The following MYO18B variants were observed in gnomAD, a reference collection of about 807,000 sequenced individuals.
MYO18B encodes myosin XVIIIB.
A neutral mutation model predicts 273.0 loss-of-function variants in MYO18B; 204 were observed. The observed-to-expected ratio is 0.75, with a 90% CI of 0.67 to 0.84. The LOEUF (loss-of-function observed/expected upper bound fraction) is 0.84, where lower values mean the gene tolerates loss of function less well. MYO18B is among the 40% of genes least tolerant of loss of function. MYO18B has a pLI of 0.00. For missense variants in MYO18B, 3,212 were observed against 3,287.6 expected, an observed-to-expected ratio of 0.98 and a Z score of 0.56; for synonymous variants, 1,330 against 1,305.7, an observed-to-expected ratio of 1.02 and a Z score of -0.40.
At chr22:26,034,227 G>A (rs1209194157), downstream of MYO18B, among the ~76,000 whole-genome samples, 1 of 152,148 alleles carries the variant, frequency 6.6e-6, no homozygotes, top group African/African-American at 2.4e-5. Context: ...ATGTCACATA[G>A]GCAGTGTGCT....
chr22:25,814,337 T>TTTTTTTTC (rs2088908429), intron 12 of MYO18B, among the ~76,000 whole-genome samples: 1 of 98,928 alleles, frequency 1.0e-5, no homozygotes, highest in Non-Finnish European at 2.0e-5. Flanking sequence ...TTTTTTTTTT[T>TTTTTTTTC]GAGACAGAGT....
intron 16 of MYO18B, among the ~76,000 whole-genome samples, chr22:25,833,550 C>T (rs2089790601): frequency 1.3e-5 from 2 of 152,206 alleles, no homozygotes. Flanking sequence ...CTGCTCGACT[C>T]AGAACTGCCC....
In MYO18B at chr22:26,030,753, G is replaced by A. The variant is rs540447558; in HGVS notation, c.*323G>A. The A allele has an allele frequency of 7.6e-6, 3 of 393,962 alleles. No individual in the cohort carries two copies. The Admixed American group carries it at 1.3e-4, about 17-fold the overall frequency. 24.4% of individuals were successfully genotyped at this position (393,962 alleles called of 1,614,324 possible). A position where few individuals can be genotyped will look rare whatever the true frequency, so the allele number is the denominator to read the frequency against. ...CCAACCCAAACTGTGTGTAGTTTGG[G>A]GTGTATACTTCTATTTCTCTTCCTA... On this transcript the variant is annotated 3_prime_UTR_variant, in exon 44 of 44. Coordinates refer to ENST00000335473, the MANE Select transcript of MYO18B (RefSeq NM_032608.7).
intron 14 of MYO18B, among the ~76,000 whole-genome samples, chr22:25,828,091 C>CTAA (rs1228195188): frequency 6.6e-6 from 1 of 152,214 alleles, no homozygotes; most frequent in Non-Finnish European, 1.5e-5. Flanking sequence ...TTACTGAGCA[C>CTAA]TAACCACATG....
At chr22:25,839,878 T>A (rs937072091) in intron 17 of MYO18B, among the ~76,000 whole-genome samples, 2 of 152,202 alleles carry the variant, frequency 1.3e-5, no homozygotes, top group Non-Finnish European at 2.9e-5. Context: ...GAAAGTCCCC[T>A]CCTGGTTCTG....
In MYO18B at chr22:25,943,153, T is replaced by C. The variant is rs551632005; in HGVS notation, c.5518-2984T>C. On this transcript the variant is annotated intron_variant, in intron 34 of 43. Coordinates refer to ENST00000335473, the MANE Select transcript of MYO18B (RefSeq NM_032608.7). Reference sequence around the variant, plus strand: ...TGGCTCCCAGCCCAGCTCCTTGGCCTGGCAGAGGGGCCCTGCGTGAGGCCT... The same window carrying C: ...TGGCTCCCAGCCCAGCTCCTTGGCCCGGCAGAGGGGCCCTGCGTGAGGCCT... Among the ~76,000 whole-genome samples the C allele has an allele frequency of 5.9e-5, 9 of 152,290 alleles. 1 individual carries two copies. In the East Asian group the frequency reaches 1.7e-3, roughly 29 times the overall value.
chr22:25,993,202 C>T (rs1932897056), intron 40 of MYO18B, among the ~76,000 whole-genome samples: 1 of 152,108 alleles, frequency 6.6e-6, no homozygotes, highest in Non-Finnish European at 1.5e-5. Flanking sequence ...TGAGGTATCC[C>T]AGCTGGGCAC....
chr22:26,051,875 A>C, the MYO18B span, among the ~76,000 whole-genome samples: 1 of 152,378 alleles, frequency 6.6e-6, no homozygotes, highest in Non-Finnish European at 1.5e-5. Context: ...TACTTTTTGC[A>C]CTTAAAAACA....
Position 25,946,340 on chromosome 22 carries a change from G to C in MYO18B, c.5631+90G>C, listed in dbSNP as rs1055563062. ...GCCTAGTGTGCGCTCAGCACTATAGGAAGTATGAGGACATTTATTGTAAAC... is the reference window on the plus strand; with the variant it reads ...GCCTAGTGTGCGCTCAGCACTATAGCAAGTATGAGGACATTTATTGTAAAC... On this transcript the variant is annotated intron_variant, in intron 35 of 43. Transcript: ENST00000335473. 1.1e-4 allele frequency: 89 copies of C among 803,606 alleles called. 1 individual carries two copies. Among genetic ancestry groups the C allele is most frequent in the Admixed American group, 1.9e-4 (7 of 37,582 alleles). The allele number at this position is 803,606 out of a possible 1,614,324, so 49.8% of individuals were successfully genotyped here.
intron 34 of MYO18B, among the ~76,000 whole-genome samples, chr22:25,924,541 G>T (rs1042249278): frequency 2.0e-5 from 3 of 152,138 alleles, no homozygotes; most frequent in African/African-American, 7.2e-5. Context: ...AAATAAATAG[G>T]GTGCTAAGAT....
At chr22:25,787,708 G>A (rs1193831257) in intron 11 of MYO18B, among the ~76,000 whole-genome samples, 13 of 152,114 alleles carry the variant, frequency 8.5e-5, no homozygotes, top group Admixed American at 4.6e-4. Flanking sequence ...CAGATGCAAC[G>A]AGGCTGGCAT....
chr22:25,804,785 C>G (rs181568533), intron 12 of MYO18B, among the ~76,000 whole-genome samples: 1 of 152,212 alleles, frequency 6.6e-6, no homozygotes, highest in Non-Finnish European at 1.5e-5. Flanking sequence ...GTCCCGGCAG[C>G]GAGAAGGCTC....
intron 1 of MYO18B, among the ~76,000 whole-genome samples, chr22:25,747,838 T>C (rs915080128): frequency 9.2e-5 from 14 of 152,278 alleles, no homozygotes; most frequent in Non-Finnish European, 1.6e-4. Flanking sequence ...CATCTAGTAC[T>C]CAAACCGCTC....
At chr22:25,934,162 T>A (rs2092547433) in intron 34 of MYO18B, among the ~76,000 whole-genome samples, 2 of 152,248 alleles carry the variant, frequency 1.3e-5, no homozygotes, top group African/African-American at 4.8e-5. Context: ...TTGGGTTGTT[T>A]GTATTTTTCT....
At chr22:25,899,686 C>T (rs1200130128) in intron 29 of MYO18B, 1 of 152,134 alleles carries the variant, frequency 6.6e-6, no homozygotes, top group Non-Finnish European at 1.5e-5. Context: ...CCCTTTCCAC[C>T]TCCCTGTGGG....
At chr22:25,753,520 C>A (rs983967899) in intron 1 of MYO18B, among the ~76,000 whole-genome samples, 1 of 152,196 alleles carries the variant, frequency 6.6e-6, no homozygotes, top group Non-Finnish European at 1.5e-5. Context: ...TGGTAACCCG[C>A]CCGGGTCTCC....
intron 42 of MYO18B, among the ~76,000 whole-genome samples, chr22:26,005,126 CCT>C (rs1934316651): frequency 6.6e-6 from 1 of 152,264 alleles, no homozygotes; most frequent in African/African-American, 2.4e-5. Flanking sequence ...CTAATGCAGT[CCT>C]CTCCAGAGCA....
intron 27 of MYO18B, among the ~76,000 whole-genome samples, chr22:25,893,188 G>A (rs148054331): frequency 2.0e-5 from 3 of 152,286 alleles, no homozygotes; most frequent in African/African-American, 7.2e-5. Context: ...CACCTCTATG[G>A]TTCAAGATGG....
In MYO18B at chr22:25,846,223, T is replaced by C. The variant is rs1406623370; in HGVS notation, c.3492T>C (p.Phe1164=). 6.2e-7 allele frequency: 1 copy of C among 1,612,450 alleles called. No homozygotes were observed. The highest frequency in any genetic ancestry group is 8.5e-7 in the Non-Finnish European group (1 of 1,179,838). ...LQRSRMVRRT[F]ASSLAAVRRK... ...GGAGCCGCATGGTGAGGAGGACCTT[T>C]GCCAGCAGCCTTGCCGCGGTGAGGA... is the stretch of plus-strand genomic sequence containing the variant. Residue 1164 remains phenylalanine, a synonymous_variant, in exon 19 of 44, where the codon TTT becomes TTC. Transcript: ENST00000335473.
Sources: gnomAD v4.1 joint callset for allele counts (sites outside exome capture counted in the v4.1 genomes callset) on GRCh38, gnomAD v4.1.1 for gene constraint, MANE v1.5 for transcripts, NCBI Gene and HGNC (gene_info 2026-07-23, HGNC 2026-07-21) for gene names.